BTBD9: variants seen among roughly 807,000 people sequenced by gnomAD.
BTBD9 encodes BTB/POZ domain-containing protein 9.
In BTBD9, 49 loss-of-function variants were observed where a neutral mutation model predicts 64.3. The observed-to-expected ratio is 0.76, with a 90% CI of 0.61 to 0.97. The LOEUF is 0.97. BTBD9 is among the 50% of genes least tolerant of loss of function. The pLI is 0.00. For synonymous variants in BTBD9, 260 were observed against 274.7 expected, an observed-to-expected ratio of 0.95 and a Z score of 0.53; for missense variants, 598 against 762.1, an observed-to-expected ratio of 0.78 and a Z score of 2.53.
chr6:38,524,001 G>T (rs1773379510), intron 6 of BTBD9, among the ~76,000 whole-genome samples: 1 of 152,160 alleles, frequency 6.6e-6, no homozygotes. Flanking sequence ...GCTGCTTTGA[G>T]ATATCTCTTC....
intron 1 of BTBD9, among the ~76,000 whole-genome samples, chr6:38,622,007 G>A (rs1777997766): frequency 6.6e-6 from 1 of 152,176 alleles, no homozygotes. Context: ...CGACATTAGA[G>A]GGGAAGGTAC....
At chr6:38,382,068 C>T (rs7749143) in intron 6 of BTBD9, among the ~76,000 whole-genome samples, 2,547 of 152,178 alleles carry the variant, frequency 0.017, 71 homozygotes, top group African/African-American at 0.056. Flanking sequence ...TCAACTTTTG[C>T]AGAATTATGG....
chr6:38,202,613 AT>A (rs1239337449), intron 9 of BTBD9, among the ~76,000 whole-genome samples: 1 of 152,152 alleles, frequency 6.6e-6, no homozygotes, highest in Non-Finnish European at 1.5e-5. Flanking sequence ...AAATCCACAT[AT>A]CTACAGCCAA....
intron 9 of BTBD9, among the ~76,000 whole-genome samples, chr6:38,213,733 GCACTTTGGGA>G (rs1762912994): frequency 3.3e-5 from 5 of 152,292 alleles, no homozygotes; most frequent in African/African-American, 7.2e-5. Context: ...TGTAATCCCA[GCACTTTGGGA>G]GGCTGAGGCG....
chr6:38,617,568 T>C (rs1191266647), intron 1 of BTBD9, among the ~76,000 whole-genome samples: 3 of 152,074 alleles, frequency 2.0e-5, no homozygotes, highest in Non-Finnish European at 2.9e-5. Flanking sequence ...TCATAGGGGG[T>C]ACTATCTGGA....
intron 6 of BTBD9, among the ~76,000 whole-genome samples, chr6:38,424,995 C>T (rs190195671): frequency 9.9e-5 from 15 of 151,630 alleles, no homozygotes; most frequent in African/African-American, 3.6e-4. Context: ...TGCCACCCAG[C>T]TAATTTTGTA....
Position 38,594,132 on chromosome 6 carries a change from A to C in BTBD9, c.381T>G (p.Asp127Glu). Reference protein sequence around the residue: ...AHKYGFPELEDSTSEYLCTIL... With the variant: ...AHKYGFPELEESTSEYLCTIL... ...TGGTGCAGAGATACTCAGAGGTAGA[A>C]TCCTCTAGCTCTGGAAATCCATATT... Residue 127 changes from aspartate (D) to glutamate (E), a missense_variant, in exon 3 of 11, where the codon GAT becomes GAG. Coordinates refer to ENST00000481247, the MANE Select transcript of BTBD9 (RefSeq NM_001099272.2). The C allele has an allele frequency of 6.2e-7, 1 of 1,614,166 alleles. No individual in the cohort carries two copies. The highest frequency in any genetic ancestry group is 8.5e-7 in the Non-Finnish European group (1 of 1,179,992).
intron 6 of BTBD9, among the ~76,000 whole-genome samples, chr6:38,365,702 G>A: frequency 6.8e-6 from 1 of 147,652 alleles, no homozygotes; most frequent in African/African-American, 2.5e-5. Flanking sequence ...AGGTTGTGGT[G>A]AACCAAGCTC....
chr6:38,495,961 T>C (rs891242860), intron 6 of BTBD9, among the ~76,000 whole-genome samples: 2 of 152,214 alleles, frequency 1.3e-5, no homozygotes, highest in African/African-American at 4.8e-5. Flanking sequence ...ATCAGAATCC[T>C]TTGGAGAGAA....
chr6:38,333,572 G>C (rs551369535), intron 7 of BTBD9, among the ~76,000 whole-genome samples: 6 of 152,022 alleles, frequency 3.9e-5, no homozygotes, highest in Non-Finnish European at 8.8e-5. Flanking sequence ...ACAAGATCTG[G>C]TTGTCTGAAA....
At chr6:38,334,389 G>A (rs1763798665) in intron 7 of BTBD9, among the ~76,000 whole-genome samples, 1 of 151,958 alleles carries the variant, frequency 6.6e-6, no homozygotes, top group Non-Finnish European at 1.5e-5. Context: ...TGGTGAAACT[G>A]TCTCTACTAA....
At chr6:38,505,762 C>T (rs1012182447) in intron 6 of BTBD9, among the ~76,000 whole-genome samples, 10 of 151,334 alleles carry the variant, frequency 6.6e-5, no homozygotes, top group African/African-American at 1.5e-4. Context: ...GTCAGGAGTT[C>T]GAGACCAGAC....
At chr6:38,476,422 A>G (rs562942731) in intron 6 of BTBD9, among the ~76,000 whole-genome samples, 4 of 152,318 alleles carry the variant, frequency 2.6e-5, no homozygotes, top group East Asian at 3.9e-4. Flanking sequence ...GTCACTGATG[A>G]ATAATTATTC....
At chr6:38,577,528 C>A in intron 6 of BTBD9, 72 bp downstream of exon 6, 1 of 1,422,866 alleles carries the variant, frequency 7.0e-7, no homozygotes, top group South Asian at 1.3e-5. Context: ...ATGAAAAATG[C>A]AGTTCTGCTT....
At chr6:38,479,072 T>C (rs1771014780) in intron 6 of BTBD9, among the ~76,000 whole-genome samples, 1 of 152,216 alleles carries the variant, frequency 6.6e-6, no homozygotes, top group African/African-American at 2.4e-5. Flanking sequence ...AAAAGTTCTC[T>C]GTAAACTATG....
rs750185462 is a variant in BTBD9 at position 38,175,232 on chromosome 6, C to T, written c.1642-50G>A. The T allele has an allele frequency of 2.5e-6, 4 of 1,590,280 alleles. No homozygotes were observed. In the South Asian group the frequency reaches 4.4e-5, roughly 18 times the overall value. Reference sequence around the variant, plus strand: ...CATGAGTGAAGGGTCAGCATGCGGCCCTGGAGTTGCCGCAAGTTGGGATAC... The same window carrying T: ...CATGAGTGAAGGGTCAGCATGCGGCTCTGGAGTTGCCGCAAGTTGGGATAC... On this transcript the variant is annotated intron_variant, in intron 10 of 10. Coordinates refer to ENST00000481247, the MANE Select transcript of BTBD9 (RefSeq NM_001099272.2).
At chr6:38,359,032 A>G (rs1251179203) in intron 6 of BTBD9, among the ~76,000 whole-genome samples, 1 of 151,838 alleles carries the variant, frequency 6.6e-6, no homozygotes, top group Non-Finnish European at 1.5e-5. Context: ...CGGCCTCCCA[A>G]AGTGCTGGGA....
chr6:38,515,665 C>T (rs1772992636), intron 6 of BTBD9, among the ~76,000 whole-genome samples: 2 of 152,134 alleles, frequency 1.3e-5, no homozygotes, highest in South Asian at 4.1e-4. Flanking sequence ...CTCTTTTATT[C>T]TTTCTGGGCC....
chr6:38,596,311 C>T (rs564230635), intron 2 of BTBD9, among the ~76,000 whole-genome samples: 1 of 152,240 alleles, frequency 6.6e-6, no homozygotes, highest in East Asian at 1.9e-4. Context: ...AGAACAAGGT[C>T]AATAAGCGGG....
Sources: allele counts gnomAD v4.1 joint callset (sites outside exome capture counted in the v4.1 genomes callset), GRCh38; gene constraint gnomAD v4.1.1; transcripts MANE v1.5; gene names NCBI Gene and HGNC (gene_info 2026-07-23, HGNC 2026-07-21).